The following ARMC2 variants were observed in gnomAD, a reference collection of about 807,000 sequenced individuals.
ARMC2 encodes the protein armadillo repeat containing 2, also known as armadillo repeat-containing protein 2.
In ARMC2, 67 loss-of-function variants were observed where a neutral mutation model predicts 90.3. The ratio of observed to expected loss-of-function variants is 0.74; its 90% CI spans 0.61 to 0.91. The LOEUF (loss-of-function observed/expected upper bound fraction) is 0.91. ARMC2 is among the 40% of genes least tolerant of loss of function. The pLI, the probability that ARMC2 is intolerant of heterozygous loss-of-function variation, is 0.00. For synonymous variants in ARMC2, 393 were observed against 393.0 expected (o/e 1.00, Z 0.00); for missense variants, 920 against 1,030.9 (o/e 0.89, Z 1.47).
chr6:108,890,221 A>C (rs935188740), intron 5 of ARMC2, among the ~76,000 whole-genome samples: 22 of 119,076 alleles, frequency 1.8e-4, no homozygotes, highest in African/African-American at 5.1e-4. Flanking sequence ...AAAAAAAAAA[A>C]AAAAAAAACA....
At position 108,961,604 on chromosome 6, in the gene ARMC2, G is replaced by T; in HGVS notation, c.1948G>T (p.Val650Leu). The T allele has an allele frequency of 1.9e-6, 3 of 1,611,332 alleles. No individual in the cohort carries two copies. Among genetic ancestry groups the T allele is most frequent in the Non-Finnish European group, 2.5e-6 (3 of 1,179,036 alleles). The change falls in exon 14 of 18, where the codon GTG becomes TTG. Residue 650 changes from valine (V) to leucine (L), a missense_variant. Transcript: ENST00000392644. ...YKSLDDCEEL[V>L]INATATINNL... is the part of the protein sequence containing the mutation. ...GTCACTTGATGATTGTGAGGAGCTG[G>T]TGATCAATGCTACAGCGACAATCAA... is the stretch of plus-strand genomic sequence containing the variant.
the ARMC2 span, among the ~76,000 whole-genome samples, chr6:108,997,998 T>A: frequency 3.9e-5 from 6 of 152,224 alleles, no homozygotes; most frequent in African/African-American, 1.4e-4. Context: ...TCACCTGATA[T>A]CACCTTCTAT....
At chr6:109,009,571 C>G in the ARMC2 span, 1 of 1,101,552 alleles carries the variant, frequency 9.1e-7, no homozygotes, top group Non-Finnish European at 1.1e-6. Context: ...GGCGGGGCGG[C>G]GCCGACAAAC....
At chr6:108,995,993 C>A in the ARMC2 span, among the ~76,000 whole-genome samples, 3 of 152,118 alleles carry the variant, frequency 2.0e-5, no homozygotes, top group African/African-American at 4.8e-5. Flanking sequence ...TCTAACACAA[C>A]CCTCTCCTCT....
chr6:108,871,538 C>T (rs957336181), intron 4 of ARMC2, among the ~76,000 whole-genome samples: 1 of 152,092 alleles, frequency 6.6e-6, no homozygotes, highest in African/African-American at 2.4e-5. Flanking sequence ...AGGACTCATA[C>T]CTTGTTTTTT....
At position 108,876,232 on chromosome 6, in the gene ARMC2, A is replaced by G. The variant is rs143895116; in HGVS notation, c.553A>G (p.Ile185Val). The G allele has an allele frequency of 1.3e-4, 204 of 1,613,012 alleles. 2 individuals carry two copies. In the African/African-American group the frequency reaches 1.8e-3, roughly 15 times the overall value. The change falls in exon 5 of 18, where the codon ATT (isoleucine) becomes GTT (valine). Residue 185 changes from isoleucine to valine, a missense_variant. Ile to Val is a conservative substitution (Grantham distance 29). Coordinates refer to ENST00000392644, the MANE Select transcript of ARMC2 (RefSeq NM_032131.6). ...NGIYLTKSNA[I>V]CHLKSHPLQL... ...GATTTATTTAACAAAATCAAATGCT[A>G]TTTGCCACTTAAAGAGTCACCCACT...
At chr6:108,943,037 AG>A (rs1293225815) in intron 12 of ARMC2, among the ~76,000 whole-genome samples, 2 of 152,158 alleles carry the variant, frequency 1.3e-5, no homozygotes, top group Non-Finnish European at 2.9e-5. Flanking sequence ...CCGTCCACAG[AG>A]GGGGAAATCC....
intron 5 of ARMC2, among the ~76,000 whole-genome samples, chr6:108,888,201 GA>G (rs1770562107): frequency 1.3e-5 from 2 of 152,216 alleles, no homozygotes; most frequent in South Asian, 2.1e-4. Flanking sequence ...AGGAACAGTA[GA>G]AGGGACTGGA....
At chr6:108,972,427 A>C (rs1778822341) in intron 17 of ARMC2, among the ~76,000 whole-genome samples, 1 of 152,234 alleles carries the variant, frequency 6.6e-6, no homozygotes, top group Admixed American at 6.5e-5. Flanking sequence ...CTTTGAAGCC[A>C]GCAAAGTTCT....
At chr6:108,940,921 C>G (rs1325855888) in intron 12 of ARMC2, among the ~76,000 whole-genome samples, 4 of 151,732 alleles carry the variant, frequency 2.6e-5, no homozygotes, top group Admixed American at 2.0e-4. Context: ...AATCCTATCT[C>G]AGAGAGAGAG....
At chr6:109,032,763 GC>G in the ARMC2 span, among the ~76,000 whole-genome samples, 291 of 152,242 alleles carry the variant, frequency 1.9e-3, 1 homozygote, top group African/African-American at 6.6e-3. Flanking sequence ...GTCTACCCAA[GC>G]CCCTTAATGA....
intron 12 of ARMC2, among the ~76,000 whole-genome samples, chr6:108,940,834 C>G (rs528403469): frequency 1.3e-5 from 2 of 152,282 alleles, no homozygotes; most frequent in Non-Finnish European, 2.9e-5. Context: ...CTTTTTAACT[C>G]CAGTATCAAC....
intron 5 of ARMC2, among the ~76,000 whole-genome samples, chr6:108,883,991 A>C (rs1479622982): frequency 6.6e-6 from 1 of 152,012 alleles, no homozygotes; most frequent in Non-Finnish European, 1.5e-5. Context: ...GTACTTTATT[A>C]TATTGCCTGG....
intron 11 of ARMC2, among the ~76,000 whole-genome samples, chr6:108,931,706 A>G (rs1368867517): frequency 6.7e-6 from 1 of 148,882 alleles, no homozygotes; most frequent in Admixed American, 6.6e-5. Context: ...CTTTTTTTCC[A>G]TATGCTTATT....
chr6:108,998,287 G>A, the ARMC2 span, among the ~76,000 whole-genome samples: 5 of 152,012 alleles, frequency 3.3e-5, no homozygotes, highest in Non-Finnish European at 5.9e-5. Flanking sequence ...ACTCCTACAG[G>A]GTCTTAGAGT....
chr6:108,904,163 G>C, intron 7 of ARMC2, 67 bp from the exon 8 acceptor site: 1 of 1,541,326 alleles, frequency 6.5e-7, no homozygotes, highest in South Asian at 1.2e-5. Context: ...TACACTGTCT[G>C]TGTTTGACAC....
At chr6:109,001,522 T>C in the ARMC2 span, 3 of 1,577,492 alleles carry the variant, frequency 1.9e-6, no homozygotes, top group Non-Finnish European at 2.6e-6. Context: ...GTTACTGAAA[T>C]GGTAAATTGG....
At chr6:108,988,271 C>T in the ARMC2 span, 3 of 282,026 alleles carry the variant, frequency 1.1e-5, no homozygotes, top group African/African-American at 2.2e-5. Flanking sequence ...TCTACCTATA[C>T]ACAGCTTTTA....
chr6:109,047,365 G>A, the ARMC2 span, among the ~76,000 whole-genome samples: 2 of 131,330 alleles, frequency 1.5e-5, no homozygotes, highest in African/African-American at 2.8e-5. Context: ...CCCCCTGCCC[G>A]GCCAGCCGCC....
Sources: gnomAD v4.1 joint callset for allele counts (sites outside exome capture counted in the v4.1 genomes callset) on GRCh38, gnomAD v4.1.1 for gene constraint, MANE v1.5 for transcripts, NCBI Gene and HGNC (gene_info 2026-07-23, HGNC 2026-07-21) for gene names.